ATG9B: variants seen among roughly 807,000 people sequenced by gnomAD.
ATG9B encodes the protein autophagy related 9B, also known as autophagy-related protein 9B.
In ATG9B, 92 loss-of-function variants were observed where a neutral mutation model predicts 92.9. The observed-to-expected ratio is 0.99, with a 90% CI of 0.84 to 1.18. The LOEUF (loss-of-function observed/expected upper bound fraction) is 1.18. Ranked by LOEUF, ATG9B falls within the 50% of genes most tolerant of loss-of-function variation. The pLI is 0.00. For synonymous variants in ATG9B, 599 were observed against 551.4 expected (o/e 1.09, Z -1.21); for missense variants, 1,344 against 1,235.0 (o/e 1.09, Z -1.32).
intron 5 of ATG9B, 90 bp downstream of exon 5, chr7:151,021,098 G>C: frequency 6.8e-7 from 1 of 1,463,370 alleles, no homozygotes; most frequent in Non-Finnish European, 9.4e-7. Flanking sequence ...TTTCCAGTTG[G>C]CCCTTCCACC....
chr7:151,023,738 C>T lies in ATG9B; in HGVS notation c.551-8G>A, dbSNP rs1468478922. Reference sequence around the variant, plus strand: ...GGATGTGATGCCAGGAGCCTGGGCACAGAGGGGAGAGTGTCAGCCCCTGGC... The same window carrying T: ...GGATGTGATGCCAGGAGCCTGGGCATAGAGGGGAGAGTGTCAGCCCCTGGC... On this transcript the variant is annotated splice_polypyrimidine_tract_variant and splice_region_variant and intron_variant, in intron 1 of 13. Coordinates refer to ENST00000639579, the MANE Select transcript of ATG9B (RefSeq NM_001317056.2). 1.9e-6 allele frequency: 3 copies of T among 1,614,016 alleles called. No individual in the cohort carries two copies. The highest frequency in any genetic ancestry group is 2.5e-6 in the Non-Finnish European group (3 of 1,180,018).
chr7:151,017,557 C>T (rs1077871), intron 8 of ATG9B, among the ~76,000 whole-genome samples: 4,101 of 152,278 alleles, frequency 0.027, 187 homozygotes, highest in African/African-American at 0.092. Context: ...CCCCACCCAC[C>T]GGCCAAGCCC....
In ATG9B at chr7:151,018,699, CG is replaced by C; in HGVS notation, c.1638del (p.Val547SerfsTer7). 6 of 1,602,950 alleles carry C rather than the reference CG, an allele frequency of 3.7e-6. No individual in the cohort carries two copies. Among genetic ancestry groups the C allele is most frequent in the Non-Finnish European group, 5.1e-6 (6 of 1,177,084 alleles). On this transcript the variant is annotated frameshift_variant, in exon 6 of 14. Transcript: ENST00000639579. LOFTEE classifies it high-confidence loss of function. This position sits in a 1 kb window ranked among gnomAD's most constrained non-coding sequence, Gnocchi z 4.7. Reference protein sequence around the residue: ...GALFAALLVLTVYDEDVLAVE... With the variant: ...GALFAALLVLXVYDEDVLAVE... ...ACGGCTAGCACGTCCTCGTCGTAGA[CG>C]GTGAGCACAAGCAGCGCGGCGAAGA... is the stretch of plus-strand genomic sequence containing the variant.
rs1438785613 is a variant in ATG9B at position 151,017,151 on chromosome 7, G to C, written c.2174C>G (p.Ser725Cys). Residue 725 changes from serine to cysteine, a missense_variant, in exon 9 of 14, where the codon TCT (serine) becomes TGT (cysteine). Ser to Cys is a moderately radical substitution (Grantham distance 112). Coordinates refer to ENST00000639579, the MANE Select transcript of ATG9B (RefSeq NM_001317056.2). ...GCCCCAGAGGTGCCCAAGAAACTTA[G>C]AGCTGTGCCCTGGGGGGCGCCAGAG... is the stretch of plus-strand genomic sequence containing the variant. ...HPLWRPPGHS[S>C]KFLGHLWGRV... The C allele has an allele frequency of 2.5e-6, 4 of 1,613,204 alleles. No homozygotes were observed. The highest frequency in any genetic ancestry group is 2.7e-5 in the African/African-American group (2 of 75,000).
At chr7:151,013,561 T>G, downstream of ATG9B, 4 of 287,952 alleles carry the variant, frequency 1.4e-5, no homozygotes, top group South Asian at 4.1e-5. Context: ...CTCCCGCCCC[T>G]GCCCCGCCCC....
Position 151,023,142 on chromosome 7 carries a change from A to G in ATG9B, c.724T>C (p.Phe242Leu), listed in dbSNP as rs1298017756. 2 of 1,614,074 alleles carry G rather than the reference A, an allele frequency of 1.2e-6. No homozygotes were observed. Among genetic ancestry groups the G allele is most frequent in the African/African-American group, 2.7e-5 (2 of 74,920 alleles). Reference protein sequence around the residue: ...LLRCVDYNVLFANQPSNHTRP... With the variant: ...LLRCVDYNVLLANQPSNHTRP... ...GTATGGTTACTTGGTTGGTTGGCAA[A>G]GAGAACATTGTAATCCACGCATCGA... Residue 242 changes from phenylalanine to leucine, a missense_variant, in exon 4 of 14, where the codon TTT (phenylalanine) becomes CTT (leucine). Coordinates refer to ENST00000639579, the MANE Select transcript of ATG9B (RefSeq NM_001317056.2).
chr7:151,024,396 T>C lies in ATG9B; in HGVS notation c.28A>G (p.Arg10Gly), dbSNP rs1795880804. Residue 10 changes from arginine to glycine, a missense_variant, in exon 1 of 14, where the codon AGA becomes GGA. Transcript: ENST00000639579. MVSRMGWGGRRRRLGRWGDL... is the reference protein window; with the variant it reads MVSRMGWGGGRRRLGRWGDL... The stretch of plus-strand genomic sequence containing the variant: ...CCCCACCGCCCCAGCCGCCTTCTTC[T>C]CCCCCCCCAGCCCATTCGGCTCACC... 3.0e-6 allele frequency: 4 copies of C among 1,353,784 alleles called. No individual in the cohort carries two copies. The highest frequency in any genetic ancestry group is 2.8e-5 in the East Asian group (1 of 35,986). 83.9% of individuals were successfully genotyped at this position (1,353,784 alleles called of 1,614,324 possible).
chr7:151,018,782 G>A lies in ATG9B; in HGVS notation c.1556C>T (p.Pro519Leu), dbSNP rs1376404970. ...CAGCAGCGTGCGCAGGGGCGCGGGG[G>A]GCGCAGCGGTGCGCAGGAAGGCGGC... is the stretch of plus-strand genomic sequence containing the variant. ...PAAAFLRTAA[P>L]PAPLRTLLAR... Residue 519 changes from proline to leucine, a missense_variant, in exon 6 of 14, where the codon CCC becomes CTC. Transcript: ENST00000639579. This position sits in a 1 kb window ranked among gnomAD's most constrained non-coding sequence, Gnocchi z 4.7. 4 of 1,401,264 alleles carry A rather than the reference G, an allele frequency of 2.9e-6. No homozygotes were observed. Among genetic ancestry groups the A allele is most frequent in the Admixed American group, 6.6e-5 (2 of 30,358 alleles). The allele number at this position is 1,401,264 out of a possible 1,614,324, so 86.8% of individuals were successfully genotyped here. A position where few individuals can be genotyped will look rare whatever the true frequency, so the allele number is the denominator to read the frequency against.
Position 151,018,410 on chromosome 7 carries a change from G to A in ATG9B, c.1756C>T (p.Pro586Ser), listed in dbSNP as rs758908475. The change falls in exon 7 of 14, where the codon CCG becomes TCG. Residue 586 changes from proline to serine, a missense_variant. Physicochemically the swap from Pro to Ser is moderately conservative, Grantham distance 74 (BLOSUM62 -1). Transcript: ENST00000639579. This position sits in a 1 kb window ranked among gnomAD's most constrained non-coding sequence, Gnocchi z 4.7. ...IPEEQCQGRA[P>S]QLLLQTALAH... ...AGGGCTGTCTGCAGCAGGAGCTGCGGCGCACGACCCTGGCACTGCTCTTCC... is the reference window on the plus strand; with the variant it reads ...AGGGCTGTCTGCAGCAGGAGCTGCGACGCACGACCCTGGCACTGCTCTTCC... The A allele has an allele frequency of 3.1e-5, 49 of 1,556,280 alleles. No homozygotes were observed. Among genetic ancestry groups the A allele is most frequent in the Non-Finnish European group, 4.1e-5 (47 of 1,151,450 alleles).
At position 151,018,952 on chromosome 7, in the gene ATG9B, GA is replaced by G. The variant is rs778798859; in HGVS notation, c.1385del (p.Phe462SerfsTer92). The G allele has an allele frequency of 2.3e-5, 36 of 1,572,236 alleles. No individual in the cohort carries two copies. The highest frequency in any genetic ancestry group is 3.1e-5 in the Non-Finnish European group (36 of 1,165,308). On this transcript the variant is annotated frameshift_variant, in exon 6 of 14. Transcript: ENST00000639579. LOFTEE classifies it high-confidence loss of function. This position sits in a 1 kb window ranked among gnomAD's most constrained non-coding sequence, Gnocchi z 4.7. ...LVLAWQVLHV[F>X]YSHVELLRRE... is the part of the protein sequence containing the mutation. ...GCCGCAGCAGCTCCACGTGGCTATAGAAGACGTGCAGAACCTGCCAGGCCAG... is the reference window on the plus strand; with the variant it reads ...GCCGCAGCAGCTCCACGTGGCTATAGAGACGTGCAGAACCTGCCAGGCCAG...
downstream of ATG9B, chr7:151,014,047 C>G: frequency 6.2e-7 from 1 of 1,613,668 alleles, no homozygotes; most frequent in Non-Finnish European, 8.5e-7. Flanking sequence ...CGGGCTCACG[C>G]TGCGCACCCA....
In ATG9B at chr7:151,023,214, G is replaced by T. The variant is rs201648573; in HGVS notation, c.660-8C>A. ...ACAATGAAAATAAATTGTCTGCCGG[G>T]AGGAAGGGGGGGTGCCGGGATGCTG... On this transcript the variant is annotated splice_polypyrimidine_tract_variant and splice_region_variant and intron_variant, in intron 3 of 13. Coordinates refer to ENST00000639579, the MANE Select transcript of ATG9B (RefSeq NM_001317056.2). 7.2e-4 allele frequency: 1,166 copies of T among 1,614,054 alleles called. 1 individual carries two copies. Among genetic ancestry groups the T allele is most frequent in the Non-Finnish European group, 9.3e-4 (1,095 of 1,180,026 alleles).
rs777285060 is a variant in ATG9B, at chr7:151,018,612, C to T, written c.1718+8G>A. ...ACACACCACCACCCCGGGCATCTGC[C>T]GTCGCACCTGGCGACGGTGGCGGTG... On this transcript the variant is annotated splice_region_variant and intron_variant, in intron 6 of 13. Coordinates refer to ENST00000639579, the MANE Select transcript of ATG9B (RefSeq NM_001317056.2). The surrounding 1 kb of genome is among the most constrained non-coding windows in gnomAD (Gnocchi z 4.7). 11 of 1,599,132 alleles carry T rather than the reference C, an allele frequency of 6.9e-6. No individual in the cohort carries two copies. Among genetic ancestry groups the T allele is most frequent in the African/African-American group, 2.7e-5 (2 of 74,094 alleles).
rs751898474 is a variant in ATG9B, at chr7:151,017,233, G to A, written c.2092C>T (p.Arg698Cys). The change falls in exon 9 of 14, where the codon CGT becomes TGT. Residue 698 changes from arginine to cysteine, a missense_variant. Transcript: ENST00000639579. ...AGQTEASLSQ[R>C]AEDGKTELSL... Reference sequence around the variant, plus strand: ...AGCTCAGTCTTGCCGTCCTCCGCACGCTGAGACAGCGAGGCCTCAGTCTGT... The same window carrying A: ...AGCTCAGTCTTGCCGTCCTCCGCACACTGAGACAGCGAGGCCTCAGTCTGT... 11 of 1,607,664 alleles carry A rather than the reference G, an allele frequency of 6.8e-6. No individual in the cohort carries two copies. Among genetic ancestry groups the A allele is most frequent in the South Asian group, 4.4e-5 (4 of 90,760 alleles).
At chr7:151,012,965 G>C, downstream of ATG9B, 1 of 513,436 alleles carries the variant, frequency 1.9e-6, no homozygotes, top group Non-Finnish European at 3.4e-6. Context: ...CAAAGGGCAT[G>C]GAATTCTGAG....
Position 151,015,962 on chromosome 7 carries a change from G to A in ATG9B, c.2709C>T (p.Phe903=), listed in dbSNP as rs1414031605. ...CTGTGGTCACCTGAAACCCTCCGGG[G>A]AACAGATTCCGGGCCTTCTGGGTTC... The part of the protein sequence containing the change: ...QWGTQKARNL[F]PGGFQVTTDT... Residue 903 remains phenylalanine (F), a synonymous_variant, in exon 13 of 14, where the codon TTC becomes TTT. Coordinates refer to ENST00000639579, the MANE Select transcript of ATG9B (RefSeq NM_001317056.2). 10 of 1,551,574 alleles carry A rather than the reference G, an allele frequency of 6.4e-6. No individual in the cohort carries two copies. The highest frequency in any genetic ancestry group is 8.7e-6 in the Non-Finnish European group (10 of 1,146,992).
Position 151,017,984 on chromosome 7 carries a change from G to A in ATG9B, c.1939C>T (p.Pro647Ser), listed in dbSNP as rs1233373736. ...AAGTCGATAATCTCCAGGGCACGAG[G>A]GCGGAACCAGAAAAGCAGAAACAGC... ...TPLFLLFWFRPRALEIIDFFH... is the reference protein window; with the variant it reads ...TPLFLLFWFRSRALEIIDFFH... Residue 647 changes from proline (P) to serine (S), a missense_variant, in exon 8 of 14, where the codon CCT becomes TCT. Pro to Ser is a moderately conservative substitution (Grantham distance 74). Coordinates refer to ENST00000639579, the MANE Select transcript of ATG9B (RefSeq NM_001317056.2). 1 of 1,605,666 alleles carries A rather than the reference G, an allele frequency of 6.2e-7. No homozygotes were observed.
chr7:151,014,330 C>A, downstream of ATG9B: 2 of 801,372 alleles, frequency 2.5e-6, no homozygotes, highest in African/African-American at 1.7e-5. Context: ...AGGAGCAAAA[C>A]GCCTCTTTTC....
At chr7:151,012,925 C>T (rs1361897781), downstream of ATG9B, 6 of 420,252 alleles carry the variant, frequency 1.4e-5, no homozygotes, top group Non-Finnish European at 2.6e-5. Flanking sequence ...GAAGTGGGAG[C>T]GGGGAAGGGG....
Sources: gnomAD v4.1 joint callset for allele counts (sites outside exome capture counted in the v4.1 genomes callset) on GRCh38, gnomAD v4.1.1 for gene constraint, Gnocchi (gnomAD v3.1) non-coding constraint, MANE v1.5 for transcripts, NCBI Gene and HGNC (gene_info 2026-07-23, HGNC 2026-07-21) for gene names.